The following AGBL4 variants were observed in gnomAD, a reference collection of about 807,000 sequenced individuals.
The protein encoded by AGBL4 is cytosolic carboxypeptidase 6.
In AGBL4, 58 loss-of-function variants were observed where a neutral mutation model predicts 66.4. That is an observed-to-expected ratio of 0.87 (90% CI 0.71 to 1.09). AGBL4 has a LOEUF of 1.09. Ranked by LOEUF, AGBL4 falls within the 50% of genes least tolerant of loss-of-function variation. The pLI, the probability that AGBL4 is intolerant of heterozygous loss-of-function variation, is 0.00. For synonymous variants in AGBL4, 234 were observed against 222.9 expected, an observed-to-expected ratio of 1.05 and a Z score of -0.44; for missense variants, 579 against 631.0, an observed-to-expected ratio of 0.92 and a Z score of 0.88.
intron 5 of AGBL4, among the ~76,000 whole-genome samples, chr1:48,955,005 T>C (rs1657314863): frequency 6.6e-6 from 1 of 152,206 alleles, no homozygotes; most frequent in Non-Finnish European, 1.5e-5. Context: ...GATTAAGTGG[T>C]GTGCACAGGG....
intron 4 of AGBL4, among the ~76,000 whole-genome samples, chr1:49,155,324 G>A (rs1353239775): frequency 6.6e-6 from 1 of 152,104 alleles, no homozygotes; most frequent in African/African-American, 2.4e-5. Flanking sequence ...CTAAACCAGG[G>A]TGCCTCATAG....
At chr1:49,158,636 C>T (rs574436882) in intron 4 of AGBL4, among the ~76,000 whole-genome samples, 1 of 151,892 alleles carries the variant, frequency 6.6e-6, no homozygotes, top group African/African-American at 2.4e-5. Context: ...AATTTTCTGT[C>T]TTGTTGATCT....
At chr1:49,971,071 A>G (rs1470918000) in intron 1 of AGBL4, among the ~76,000 whole-genome samples, 3 of 152,210 alleles carry the variant, frequency 2.0e-5, no homozygotes, top group Non-Finnish European at 4.4e-5. Flanking sequence ...TATAATTGAT[A>G]AAATTTTTGA....
At chr1:48,547,367 A>G (rs1644181090) in intron 11 of AGBL4, among the ~76,000 whole-genome samples, 1 of 152,098 alleles carries the variant, frequency 6.6e-6, no homozygotes, top group Non-Finnish European at 1.5e-5. Flanking sequence ...TTGTAGGAAG[A>G]GCAAACAGGA....
At chr1:49,554,575 T>C (rs1049668581) in intron 3 of AGBL4, among the ~76,000 whole-genome samples, 3 of 152,222 alleles carry the variant, frequency 2.0e-5, no homozygotes, top group Admixed American at 1.3e-4. Flanking sequence ...AATGTATTTT[T>C]AAGAAAACAT....
chr1:48,565,951 A>G (rs1446914983), intron 11 of AGBL4, among the ~76,000 whole-genome samples: 1 of 152,082 alleles, frequency 6.6e-6, no homozygotes, highest in East Asian at 1.9e-4. Flanking sequence ...GGGCTTCACA[A>G]TTCTCTCGAA....
intron 3 of AGBL4, among the ~76,000 whole-genome samples, chr1:49,358,712 T>C (rs967741518): frequency 5.3e-5 from 8 of 152,214 alleles, no homozygotes; most frequent in African/African-American, 1.9e-4. Flanking sequence ...ATTACAAGGA[T>C]AATCACTGCT....
intron 8 of AGBL4, chr1:48,647,732 C>T (rs1051177459): frequency 1.0e-4 from 34 of 336,792 alleles, no homozygotes; most frequent in Admixed American, 5.0e-4. Context: ...TATAGGTGGG[C>T]GTGGGGGCTT....
intron 3 of AGBL4, among the ~76,000 whole-genome samples, chr1:49,435,804 T>A (rs1489220624): frequency 1.3e-5 from 2 of 152,214 alleles, no homozygotes; most frequent in Non-Finnish European, 1.5e-5. Flanking sequence ...TTTTCATTTT[T>A]AAATGAAGAA....
At chr1:49,733,447 C>A (rs2124720692) in intron 2 of AGBL4, among the ~76,000 whole-genome samples, 1 of 152,292 alleles carries the variant, frequency 6.6e-6, no homozygotes, top group African/African-American at 2.4e-5. Flanking sequence ...TCTTAGCTGA[C>A]ATTGCTGACT....
chr1:49,528,865 G>A (rs562752887), intron 3 of AGBL4, among the ~76,000 whole-genome samples: 8 of 152,172 alleles, frequency 5.3e-5, no homozygotes, highest in Admixed American at 2.0e-4. Flanking sequence ...AGTTCTTTAC[G>A]GTTGGAGCTG....
At chr1:49,769,127 A>T (rs922377902) in intron 2 of AGBL4, among the ~76,000 whole-genome samples, 4 of 152,036 alleles carry the variant, frequency 2.6e-5, no homozygotes, top group Non-Finnish European at 5.9e-5. Flanking sequence ...GATTACAGGC[A>T]TGAGCCACCA....
At chr1:49,290,990 A>G (rs1644522145) in intron 3 of AGBL4, among the ~76,000 whole-genome samples, 1 of 152,200 alleles carries the variant, frequency 6.6e-6, no homozygotes, top group Non-Finnish European at 1.5e-5. Flanking sequence ...AATGGGCAAC[A>G]GAGCGAGGAA....
intron 1 of AGBL4, among the ~76,000 whole-genome samples, chr1:49,966,638 A>G (rs75545805): frequency 0.024 from 3,722 of 152,110 alleles, 125 homozygotes; most frequent in African/African-American, 0.085. Flanking sequence ...TTGTCAGTTT[A>G]TTCTAGTATA....
chr1:48,921,378 A>G (rs77827610), intron 5 of AGBL4, among the ~76,000 whole-genome samples: 1,829 of 152,332 alleles, frequency 0.012, 36 homozygotes, highest in African/African-American at 0.039. Context: ...AGTGGGGAAG[A>G]CAAATATAAA....
intron 5 of AGBL4, among the ~76,000 whole-genome samples, chr1:49,018,118 C>T (rs1036132405): frequency 3.9e-5 from 6 of 152,170 alleles, no homozygotes; most frequent in Non-Finnish European, 7.3e-5. Flanking sequence ...TTAGCTCCTA[C>T]CTGACCCCGC....
intron 3 of AGBL4, among the ~76,000 whole-genome samples, chr1:49,476,524 T>C (rs945519266): frequency 2.0e-5 from 3 of 152,080 alleles, no homozygotes; most frequent in Non-Finnish European, 4.4e-5. Flanking sequence ...CCCACTATTA[T>C]TGGTGGCTGT....
chr1:49,070,012 C>T (rs1042780400), intron 4 of AGBL4, among the ~76,000 whole-genome samples: 3 of 151,794 alleles, frequency 2.0e-5, no homozygotes, highest in Non-Finnish European at 4.4e-5. Flanking sequence ...TGGGAGTTCA[C>T]TCATGATTTG....
chr1:49,718,150 G>T (rs756040215), intron 2 of AGBL4, among the ~76,000 whole-genome samples: 2 of 152,014 alleles, frequency 1.3e-5, no homozygotes, highest in Non-Finnish European at 2.9e-5. Context: ...GTGGGGAGAG[G>T]TAGGAGGTGA....
Sources: allele counts gnomAD v4.1 joint callset (sites outside exome capture counted in the v4.1 genomes callset), GRCh38; gene constraint gnomAD v4.1.1; transcripts MANE v1.5; gene names NCBI Gene and HGNC (gene_info 2026-07-23, HGNC 2026-07-21).